The following CPN1 variants were observed in gnomAD, a reference collection of about 807,000 sequenced individuals.
CPN1 encodes carboxypeptidase N catalytic chain.
Under a neutral mutation model 46.4 loss-of-function variants are expected in CPN1, and 37 were observed. The observed-to-expected ratio is 0.80, with a 90% CI of 0.61 to 1.05. The LOEUF (loss-of-function observed/expected upper bound fraction) is 1.05. CPN1 is among the 50% of genes least tolerant of loss of function. CPN1 has a pLI of 0.00. For synonymous variants in CPN1, 224 were observed against 235.4 expected, an observed-to-expected ratio of 0.95 and a Z score of 0.44; for missense variants, 563 against 602.6, an observed-to-expected ratio of 0.93 and a Z score of 0.69.
chr10:100,081,318 G>T, intron 1 of CPN1, 85 bp downstream of exon 1: 1 of 1,248,802 alleles, frequency 8.0e-7, no homozygotes, highest in Non-Finnish European at 1.1e-6. Flanking sequence ...GGCGTCCACG[G>T]ACCACCCCAG....
At chr10:100,074,781 C>T (rs866057361) in intron 2 of CPN1, among the ~76,000 whole-genome samples, 12 of 152,108 alleles carry the variant, frequency 7.9e-5, no homozygotes, top group African/African-American at 2.7e-4. Flanking sequence ...CAGATCGATG[C>T]CTGGCCTCAC....
chr10:100,070,589 T>C (rs1265851448), intron 2 of CPN1, among the ~76,000 whole-genome samples: 1 of 152,168 alleles, frequency 6.6e-6, no homozygotes, highest in African/African-American at 2.4e-5. Flanking sequence ...ATTAGCTTAA[T>C]CAAATGATGT....
At chr10:100,066,715 G>A (rs2041456422) in intron 3 of CPN1, among the ~76,000 whole-genome samples, 1 of 152,230 alleles carries the variant, frequency 6.6e-6, no homozygotes, top group African/African-American at 2.4e-5. Context: ...TAGTGTTACT[G>A]TGTTAATGGC....
chr10:100,045,331 A>G (rs1014300709), intron 8 of CPN1, among the ~76,000 whole-genome samples: 7 of 152,230 alleles, frequency 4.6e-5, no homozygotes, highest in Non-Finnish European at 8.8e-5. Context: ...GCTGCTTAAC[A>G]GTCATTCAAT....
chr10:100,080,814 G>T (rs1478158929), intron 1 of CPN1, among the ~76,000 whole-genome samples: 2 of 152,092 alleles, frequency 1.3e-5, no homozygotes, highest in African/African-American at 4.8e-5. Flanking sequence ...GATCACCTGA[G>T]CCCAGGAGGT....
At chr10:100,056,930 ACCTGAACCAGTGAAACACCTTG>A in intron 6 of CPN1, 61 bp downstream of exon 6, 1 of 1,570,412 alleles carries the variant, frequency 6.4e-7, no homozygotes, top group South Asian at 1.1e-5. Flanking sequence ...CAAAAGTCAG[ACCTGAACCAGTGAAACACCTTG>A]CCTGCCATTG....
At chr10:100,073,582 G>T (rs4475856) in intron 2 of CPN1, among the ~76,000 whole-genome samples, 38,779 of 149,368 alleles carry the variant, frequency 0.26, 6,185 homozygotes, top group Non-Finnish European at 0.36. Flanking sequence ...AGTTTCTAGA[G>T]ATCATTCACA....
chr10:100,043,778 G>A (rs368319140), intron 8 of CPN1, among the ~76,000 whole-genome samples: 1 of 151,864 alleles, frequency 6.6e-6, no homozygotes, highest in East Asian at 1.9e-4. Flanking sequence ...TGAGTAGCTG[G>A]GATTACAGGC....
chr10:100,076,605 G>T (rs963194571), intron 1 of CPN1, among the ~76,000 whole-genome samples: 1 of 152,190 alleles, frequency 6.6e-6, no homozygotes, highest in Non-Finnish European at 1.5e-5. Context: ...CGTAACAGCC[G>T]CTAATGATCC....
intron 4 of CPN1, 145 bp from the exon 5 acceptor site, chr10:100,063,870 G>C (rs2041436809): frequency 5.6e-6 from 4 of 709,744 alleles, no homozygotes; most frequent in African/African-American, 3.5e-5. Context: ...AATAGGATCA[G>C]GGATAGAAAC....
At chr10:100,056,203 G>A (rs760187454) in intron 6 of CPN1, among the ~76,000 whole-genome samples, 127 of 152,082 alleles carry the variant, frequency 8.4e-4, no homozygotes, top group Admixed American at 2.4e-3. Context: ...AATTTGAGGT[G>A]GAATCTCACT....
rs543906504 is a variant in CPN1, at chr10:100,055,567, C to A, written c.1012-1121G>T. On this transcript the variant is annotated intron_variant, in intron 6 of 8. Coordinates refer to ENST00000370418, the MANE Select transcript of CPN1 (RefSeq NM_001308.3). ...GAGATGGAGTTTCGCTCTCGTTGCC[C>A]AGGCTGGAGTGCAATGGCGCAATCT... is the stretch of plus-strand genomic sequence containing the variant. 1.2e-4 allele frequency among the ~76,000 whole-genome samples: 19 copies of A among 152,240 alleles called. No individual in the cohort carries two copies. The South Asian group carries it at 3.7e-3, about 30-fold the overall frequency.
At chr10:100,054,242 G>T (rs2041372368) in intron 7 of CPN1, 105 bp downstream of exon 7, 2 of 870,052 alleles carry the variant, frequency 2.3e-6, no homozygotes. Context: ...CAGCATCCTT[G>T]ACACCCCTGC....
chr10:100,064,970 A>G (rs1420318400), intron 4 of CPN1, among the ~76,000 whole-genome samples: 2 of 152,100 alleles, frequency 1.3e-5, no homozygotes, highest in African/African-American at 4.8e-5. Context: ...CATCGTGGTA[A>G]TTACTATGAA....
chr10:100,057,229 T>G, intron 5 of CPN1, 77 bp from the exon 6 acceptor site: 1 of 1,510,414 alleles, frequency 6.6e-7, no homozygotes, highest in Non-Finnish European at 8.9e-7. Flanking sequence ...TCTCTCTCTC[T>G]TTTTAAAATT....
At chr10:100,057,265 A>G in intron 5 of CPN1, 113 bp from the exon 6 acceptor site, 1 of 1,212,810 alleles carries the variant, frequency 8.2e-7, no homozygotes. Flanking sequence ...TTTGGGAATT[A>G]CCTTTTAATT....
chr10:100,066,543 G>T (rs1423411414), intron 3 of CPN1, among the ~76,000 whole-genome samples: 1 of 152,190 alleles, frequency 6.6e-6, no homozygotes, highest in Non-Finnish European at 1.5e-5. Context: ...GCCAGTCTTG[G>T]CTAAGCAGTG....
chr10:100,073,469 C>T (rs1156408292), intron 2 of CPN1, among the ~76,000 whole-genome samples: 2 of 152,070 alleles, frequency 1.3e-5, no homozygotes, highest in African/African-American at 4.8e-5. Flanking sequence ...AACAAATTAC[C>T]CCAAATTTAG....
chr10:100,059,704 A>T (rs1183112885), intron 5 of CPN1, among the ~76,000 whole-genome samples: 1 of 152,144 alleles, frequency 6.6e-6, no homozygotes, highest in Non-Finnish European at 1.5e-5. Context: ...AATTAAAAAT[A>T]GAACTACCTT....
Sources: gnomAD v4.1 joint callset for allele counts (sites outside exome capture counted in the v4.1 genomes callset) on GRCh38, gnomAD v4.1.1 for gene constraint, MANE v1.5 for transcripts, NCBI Gene and HGNC (gene_info 2026-07-23, HGNC 2026-07-21) for gene names.